Variants in CLTC observed in about 807,000 individuals in gnomAD.
CLTC encodes the protein clathrin heavy chain 1.
A neutral mutation model predicts 195.8 loss-of-function variants in CLTC; 16 were observed. The observed-to-expected ratio is 0.08, with a 90% confidence interval of 0.06 to 0.12. The LOEUF is 0.12. CLTC is among the 10% of genes least tolerant of loss of function. CLTC has a pLI of 1.00. For synonymous variants in CLTC, 667 were observed against 689.4 expected (o/e 0.97, Z 0.51); for missense variants, 796 against 2,027.0 (o/e 0.39, Z 11.66).
At chr17:59,655,538 A>G (rs1287226465) in intron 5 of CLTC, among the ~76,000 whole-genome samples, 1 of 150,698 alleles carries the variant, frequency 6.6e-6, no homozygotes, top group Non-Finnish European at 1.5e-5. Flanking sequence ...CAGGGTTGCC[A>G]TAAACCTTCC....
chr17:59,660,958 G>A (rs372297943), intron 7 of CLTC, among the ~76,000 whole-genome samples: 12 of 152,258 alleles, frequency 7.9e-5, no homozygotes, highest in South Asian at 6.2e-4. Flanking sequence ...ATAGTGGGTA[G>A]AGCTGTCAAA....
At chr17:59,646,208 C>G (rs1021452376) in intron 2 of CLTC, among the ~76,000 whole-genome samples, 2 of 152,142 alleles carry the variant, frequency 1.3e-5, no homozygotes, top group Non-Finnish European at 2.9e-5. Context: ...ATTCCAACCC[C>G]TAATAATCTG....
Position 59,627,729 on chromosome 17 carries a change from A to C in CLTC, c.42+7556A>C, listed in dbSNP as rs571519031. ...GTTTCCTATTGGAAAATTGTGCAGGATGATTGGGATCCGGTTAACTTGTAA... is the reference window on the plus strand; with the variant it reads ...GTTTCCTATTGGAAAATTGTGCAGGCTGATTGGGATCCGGTTAACTTGTAA... On this transcript the variant is annotated intron_variant, in intron 1 of 31. Transcript: ENST00000269122. Among the ~76,000 whole-genome samples, 12 of 152,280 alleles carry C rather than the reference A, an allele frequency of 7.9e-5. No individual in the cohort carries two copies. In the East Asian group the frequency reaches 9.6e-4, roughly 12 times the overall value.
intron 1 of CLTC, among the ~76,000 whole-genome samples, chr17:59,622,932 T>C (rs2143430666): frequency 6.6e-6 from 1 of 152,346 alleles, no homozygotes; most frequent in African/African-American, 2.4e-5. Context: ...ATATGAAGAT[T>C]TCTCTTTTCC....
intron 5 of CLTC, among the ~76,000 whole-genome samples, chr17:59,652,692 G>C (rs910638038): frequency 1.3e-5 from 2 of 152,148 alleles, no homozygotes; most frequent in Admixed American, 6.5e-5. Flanking sequence ...CAGATGTGCT[G>C]TCATCAGGGC....
At chr17:59,677,235 C>T (rs370923302) in intron 17 of CLTC, 47 bp downstream of exon 17, 11 of 1,431,866 alleles carry the variant, frequency 7.7e-6, no homozygotes, top group Middle Eastern at 1.9e-4. Context: ...TTTTTAAAAA[C>T]CTGTTACATG....
chr17:59,624,019 A>T (rs1023284416), intron 1 of CLTC, among the ~76,000 whole-genome samples: 7 of 152,200 alleles, frequency 4.6e-5, no homozygotes, highest in African/African-American at 1.7e-4. Flanking sequence ...AAATTAAAAC[A>T]CTCATTGTTC....
At position 59,690,631 on chromosome 17, in the gene CLTC, T is replaced by A; in HGVS notation, c.4828-5T>A. ...TGCTAATTAACATGATGTGTTTTTC[T>A]CCAGGTGGATAAATTAGATGCTTCA... On this transcript the variant is annotated splice_region_variant and splice_polypyrimidine_tract_variant and intron_variant, in intron 30 of 31. Transcript: ENST00000269122. The A allele has an allele frequency of 6.2e-7, 1 of 1,608,572 alleles. No individual in the cohort carries two copies. Among genetic ancestry groups the A allele is most frequent in the East Asian group, 2.2e-5 (1 of 44,722 alleles).
intron 13 of CLTC, 197 bp downstream of exon 13, chr17:59,667,174 CTGTT>C (rs1224246045): frequency 5.1e-6 from 2 of 390,026 alleles, no homozygotes; most frequent in African/African-American, 4.2e-5. Flanking sequence ...ACCAGACCAT[CTGTT>C]TGGATATTTT....
chr17:59,655,704 TGAAG>T (rs2032450272), intron 5 of CLTC, 146 bp from the exon 6 acceptor site: 1 of 564,300 alleles, frequency 1.8e-6, no homozygotes, highest in Non-Finnish European at 2.9e-6. Context: ...GCTGTAGAAA[TGAAG>T]GAAACTTTAA....
At chr17:59,654,252 T>C (rs2032406190) in intron 5 of CLTC, among the ~76,000 whole-genome samples, 1 of 151,954 alleles carries the variant, frequency 6.6e-6, no homozygotes, top group Non-Finnish European at 1.5e-5. Flanking sequence ...CTCAGCTCAC[T>C]GCACCCTCCA....
intron 9 of CLTC, 86 bp downstream of exon 9, chr17:59,664,080 A>G (rs1484862430): frequency 2.7e-6 from 3 of 1,116,182 alleles, no homozygotes; most frequent in South Asian, 1.6e-5. Flanking sequence ...GATTACTTTA[A>G]TAGTGAATTT....
intron 31 of CLTC, among the ~76,000 whole-genome samples, chr17:59,691,709 C>T (rs1478503920): frequency 6.7e-6 from 1 of 149,542 alleles, no homozygotes; most frequent in Non-Finnish European, 1.5e-5. Context: ...AATATATACA[C>T]TTATTATGGT....
Position 59,694,199 on chromosome 17 carries a change from T to C in CLTC, c.*347T>C, listed in dbSNP as rs1294655167. ...TTAAAGAAACAAAGAAACTCTAATATTGAATCTCTTAAATTTAGTGTATGT... is the reference window on the plus strand; with the variant it reads ...TTAAAGAAACAAAGAAACTCTAATACTGAATCTCTTAAATTTAGTGTATGT... On this transcript the variant is annotated 3_prime_UTR_variant, in exon 32 of 32. Transcript: ENST00000269122. 2 of 226,326 alleles carry C rather than the reference T, an allele frequency of 8.8e-6. No individual in the cohort carries two copies. The highest frequency in any genetic ancestry group is 6.6e-5 in the East Asian group (1 of 15,118). The allele number at this position is 226,326 out of a possible 1,614,324, so 14.0% of individuals were successfully genotyped here. A position where few individuals can be genotyped will look rare whatever the true frequency, so the allele number is the denominator to read the frequency against.
intron 4 of CLTC, among the ~76,000 whole-genome samples, chr17:59,649,365 C>A (rs1269725615): frequency 6.6e-6 from 1 of 152,218 alleles, no homozygotes; most frequent in Non-Finnish European, 1.5e-5. Flanking sequence ...AGAGTAGCAT[C>A]TCTGAAATCC....
chr17:59,661,302 T>C (rs1419767623), intron 7 of CLTC, 141 bp from the exon 8 acceptor site: 3 of 642,926 alleles, frequency 4.7e-6, no homozygotes, highest in Non-Finnish European at 8.2e-6. Flanking sequence ...TGTTAATAGA[T>C]GGATTCATTC....
chr17:59,646,067 A>G (rs932942322), intron 2 of CLTC: 16 of 690,120 alleles, frequency 2.3e-5, no homozygotes, highest in East Asian at 1.3e-4. Flanking sequence ...CTGTTCTATA[A>G]AAAGAATAAA....
Position 59,655,835 on chromosome 17 carries a change from G to T in CLTC, c.796-19G>T. 6.6e-7 allele frequency: 1 copy of T among 1,513,084 alleles called. No homozygotes were observed. Among genetic ancestry groups the T allele is most frequent in the Non-Finnish European group, 8.8e-7 (1 of 1,134,862 alleles). The allele number at this position is 1,513,084 out of a possible 1,614,324, so 93.7% of individuals were successfully genotyped here. On this transcript the variant is annotated intron_variant, in intron 5 of 31. Transcript: ENST00000269122. ...TGTAGATTCATTATTTTACTAAAGT[G>T]TTGATTTTCTTTCTGTAGATCAGTG...
intron 17 of CLTC, among the ~76,000 whole-genome samples, chr17:59,677,404 A>G (rs2032989926): frequency 6.6e-6 from 1 of 152,064 alleles, no homozygotes; most frequent in African/African-American, 2.4e-5. Context: ...TTTTAACCCC[A>G]CTAGCCTTAC....
Sources: allele counts gnomAD v4.1 joint callset (sites outside exome capture counted in the v4.1 genomes callset), GRCh38; gene constraint gnomAD v4.1.1; transcripts MANE v1.5; gene names NCBI Gene and HGNC (gene_info 2026-07-23, HGNC 2026-07-21).